Variants in DLG2 observed in about 807,000 individuals in gnomAD.
DLG2 encodes the protein discs large MAGUK scaffold protein 2, also known as disks large homolog 2.
In DLG2, 45 loss-of-function variants were observed where a neutral mutation model predicts 132.5. That is an observed-to-expected ratio of 0.34 (90% CI 0.27 to 0.44). DLG2 has a LOEUF of 0.44. Ranked by LOEUF, DLG2 falls within the 20% of genes least tolerant of loss-of-function variation. The probability of loss-of-function intolerance (pLI) is 1.00; values close to 1 mark genes in which losing one functional copy is unlikely to be tolerated. For missense variants in DLG2, 1,045 were observed against 1,196.9 expected (o/e 0.87, Z 1.87); for synonymous variants, 424 against 419.6 (o/e 1.01, Z -0.13).
intron 6 of DLG2, among the ~76,000 whole-genome samples, chr11:84,668,060 G>A (rs1254931421): frequency 2.6e-5 from 4 of 152,104 alleles, no homozygotes; most frequent in African/African-American, 4.8e-5. Context: ...CTATATGAGA[G>A]TATAAAAGTT....
chr11:84,484,708 T>C (rs998990833), intron 7 of DLG2, among the ~76,000 whole-genome samples: 1 of 152,122 alleles, frequency 6.6e-6, no homozygotes, highest in Non-Finnish European at 1.5e-5. Flanking sequence ...TTTTTGAACT[T>C]GCAAAATAAA....
intron 6 of DLG2, among the ~76,000 whole-genome samples, chr11:84,782,113 A>G (rs1254136927): frequency 4.6e-5 from 7 of 152,016 alleles, no homozygotes; most frequent in African/African-American, 7.2e-5. Flanking sequence ...TACCTGCAAA[A>G]CCCCACGGGT....
chr11:85,601,631 G>T (rs994500646), intron 2 of DLG2, among the ~76,000 whole-genome samples: 3 of 152,120 alleles, frequency 2.0e-5, no homozygotes, highest in Non-Finnish European at 4.4e-5. Context: ...CAGCCACCGT[G>T]CCAGGCTTTA....
At chr11:85,318,714 G>T (rs1315771736) in intron 3 of DLG2, among the ~76,000 whole-genome samples, 2 of 151,786 alleles carry the variant, frequency 1.3e-5, no homozygotes, top group African/African-American at 4.8e-5. Flanking sequence ...TCATTACTCA[G>T]AAGGTAAGGA....
At chr11:84,760,053 TA>T (rs1373312676) in intron 6 of DLG2, among the ~76,000 whole-genome samples, 1 of 152,192 alleles carries the variant, frequency 6.6e-6, no homozygotes, top group African/African-American at 2.4e-5. Flanking sequence ...GGTAAGCTTT[TA>T]AAATTAATTG....
chr11:83,796,616 A>G (rs2042890704), intron 17 of DLG2, among the ~76,000 whole-genome samples: 1 of 152,134 alleles, frequency 6.6e-6, no homozygotes, highest in Non-Finnish European at 1.5e-5. Context: ...ATATAATGTA[A>G]TATCTCATTA....
Position 83,945,847 on chromosome 11 carries a change from T to TC in DLG2, c.1341-15365_1341-15364insG, listed in dbSNP as rs1565754645. ...GTGTGTGTGTGTGTGTGTGTGTGTT[T>TC]TCTAATGTGCTTTTACTTTTTGCAT... On this transcript the variant is annotated intron_variant, in intron 14 of 27. Transcript: ENST00000376104. Among the ~76,000 whole-genome samples the TC allele has an allele frequency of 8.2e-3, 1,247 of 151,552 alleles. 16 individuals carry two copies. Among genetic ancestry groups the TC allele is most frequent in the African/African-American group, 0.029 (1,184 of 41,108 alleles).
intron 15 of DLG2, among the ~76,000 whole-genome samples, chr11:83,909,542 T>C (rs2075673159): frequency 6.6e-6 from 1 of 152,150 alleles, no homozygotes; most frequent in African/African-American, 2.4e-5. Flanking sequence ...AGCCGTAAGG[T>C]CATATAATGT....
intron 5 of DLG2, among the ~76,000 whole-genome samples, chr11:85,130,239 T>C (rs552781267): frequency 6.6e-6 from 1 of 152,278 alleles, no homozygotes; most frequent in South Asian, 2.1e-4. Context: ...GTCTAATAGA[T>C]CCTTTTATAT....
chr11:83,528,987 A>C (rs768719810), intron 21 of DLG2, among the ~76,000 whole-genome samples: 2 of 152,098 alleles, frequency 1.3e-5, no homozygotes, highest in Non-Finnish European at 2.9e-5. Context: ...TTAAATTCTT[A>C]TAGCTCGTGT....
At chr11:83,639,105 C>T (rs565284080) in intron 18 of DLG2, among the ~76,000 whole-genome samples, 2 of 152,284 alleles carry the variant, frequency 1.3e-5, no homozygotes, top group African/African-American at 2.4e-5. Flanking sequence ...CTCATGTCTT[C>T]GAGACTCAGG....
chr11:84,844,886 C>T (rs1276428479), intron 6 of DLG2, among the ~76,000 whole-genome samples: 12 of 152,114 alleles, frequency 7.9e-5, no homozygotes, highest in African/African-American at 2.9e-4. Context: ...GAACATCTTC[C>T]CTGTTACTTG....
At chr11:84,977,537 A>G (rs1317386129) in intron 6 of DLG2, among the ~76,000 whole-genome samples, 3 of 152,192 alleles carry the variant, frequency 2.0e-5, no homozygotes, top group African/African-American at 7.2e-5. Context: ...GACCCCTTAG[A>G]AATTCTGATA....
rs555623161 is a variant in DLG2, at chr11:83,984,473, G to C, written c.920-3831C>G. On this transcript the variant is annotated intron_variant, in intron 11 of 27. Coordinates refer to ENST00000376104, the MANE Select transcript of DLG2 (RefSeq NM_001142699.3). ...AATCATATTCTAAATATTCAATTCA[G>C]ATGATGAATAAATCTGTAGTTTATG... is the stretch of plus-strand genomic sequence containing the variant. Among the ~76,000 whole-genome samples the C allele has an allele frequency of 1.2e-4, 18 of 152,112 alleles. No homozygotes were observed. In the South Asian group the frequency reaches 3.3e-3, roughly 28 times the overall value.
At chr11:84,861,045 G>A (rs1160299351) in intron 6 of DLG2, among the ~76,000 whole-genome samples, 3 of 152,078 alleles carry the variant, frequency 2.0e-5, no homozygotes, top group African/African-American at 7.2e-5. Flanking sequence ...TAAGAGGAAG[G>A]CAAAGAAGTA....
chr11:85,512,215 T>A (rs1231046544), intron 3 of DLG2, among the ~76,000 whole-genome samples: 1 of 151,916 alleles, frequency 6.6e-6, no homozygotes, highest in Non-Finnish European at 1.5e-5. Context: ...AAAATAGCAA[T>A]AACAAAGAAC....
chr11:84,890,692 CT>C (rs143278686), intron 6 of DLG2: 15,310 of 152,238 alleles, frequency 0.1, 1,037 homozygotes, highest in African/African-American at 0.2. Context: ...CAGATCACCC[CT>C]AGCACAGTTT....
At chr11:84,099,199 A>G (rs1016760677) in intron 9 of DLG2, 152 bp from the exon 10 acceptor site, 1 of 636,150 alleles carries the variant, frequency 1.6e-6, no homozygotes, top group Admixed American at 3.2e-5. Context: ...TAGCAGACAA[A>G]GGAAGGTCAG....
chr11:83,954,809 T>C (rs886074118), intron 14 of DLG2, among the ~76,000 whole-genome samples: 5 of 152,222 alleles, frequency 3.3e-5, no homozygotes, highest in Admixed American at 6.5e-5. Flanking sequence ...CTTCCACTGA[T>C]TTCTGTATTA....
Sources: allele counts gnomAD v4.1 joint callset (sites outside exome capture counted in the v4.1 genomes callset), GRCh38; gene constraint gnomAD v4.1.1; transcripts MANE v1.5; gene names NCBI Gene and HGNC (gene_info 2026-07-23, HGNC 2026-07-21).